Variants in CLCN4 observed in about 807,000 individuals in gnomAD.
The protein encoded by CLCN4 is H(+)/Cl(-) exchange transporter 4.
Under a neutral mutation model 41.7 loss-of-function variants are expected in CLCN4, and 1 was observed. The observed-to-expected ratio is 0.02, with a 90% CI of 0.01 to 0.11. The LOEUF is 0.11. Among genes scored for constraint, CLCN4 ranks in the 10% least tolerant of loss-of-function variants. The pLI is 1.00. For missense variants in CLCN4, 287 were observed against 661.0 expected (o/e 0.43, Z 6.20); for synonymous variants, 277 against 285.8 (o/e 0.97, Z 0.31).
In CLCN4 at chrX:10,208,176, G is replaced by A. The variant is rs73483205; in HGVS notation, c.975G>A (p.Thr325=). 33 of 1,209,313 alleles carry A rather than the reference G, an allele frequency of 2.7e-5. No homozygotes were observed. In the African/African-American group the frequency reaches 4.6e-4, roughly 17 times the overall value. The change falls in exon 9 of 13, where the codon ACG becomes ACA. Residue 325 remains threonine (T), a synonymous_variant. Transcript: ENST00000380833. ...TTCTCTTTTATGTGGAATACCACAC[G>A]CCCTGGTACATGGCTGAACTCTTCC... ...RLVLFYVEYH[T]PWYMAELFPF... is the part of the protein sequence containing the mutation.
At chrX:10,161,684 C>G (rs1178656262) in intron 2 of CLCN4, among the ~76,000 whole-genome samples, 1 of 111,048 alleles carries the variant, frequency 9.0e-6, no homozygotes, top group African/African-American at 3.3e-5. Context: ...ATGCAGTGAT[C>G]CCCACCCCTG....
At chrX:10,180,429 T>G (rs916505501) in intron 2 of CLCN4, among the ~76,000 whole-genome samples, 7 of 111,092 alleles carry the variant, frequency 6.3e-5, no homozygotes, top group Non-Finnish European at 1.3e-4. Flanking sequence ...CGGGTCTCTC[T>G]CTCTTAACAC....
chrX:10,191,256 T>C (rs1420457757), intron 4 of CLCN4, among the ~76,000 whole-genome samples: 1 of 112,561 alleles, frequency 8.9e-6, no homozygotes, highest in Non-Finnish European at 1.9e-5. Flanking sequence ...ATTTGCCTAT[T>C]CTGGGCATTT....
intron 6 of CLCN4, among the ~76,000 whole-genome samples, chrX:10,200,496 G>A (rs1406634254): frequency 8.9e-6 from 1 of 112,415 alleles, no homozygotes; most frequent in Non-Finnish European, 1.9e-5. Flanking sequence ...GCAGTAAGAG[G>A]CACACTGGGT....
At chrX:10,225,367 C>T (rs1209799409) in intron 12 of CLCN4, among the ~76,000 whole-genome samples, 1 of 112,413 alleles carries the variant, frequency 8.9e-6, no homozygotes, top group Non-Finnish European at 1.9e-5. Context: ...AGCTTTTTCT[C>T]ATATGTTTGT....
chrX:10,233,506 C>T lies in CLCN4; in HGVS notation c.2205C>T (p.Gly735=). ...GTTTCTTCTCCAGGAGACTTCTTGGCATCATCACAAAAAAGGATGTTCTGA... is the reference window on the plus strand; with the variant it reads ...GTTTCTTCTCCAGGAGACTTCTTGGTATCATCACAAAAAAGGATGTTCTGA... The part of the protein sequence containing the change: ...CLVTRSGRLL[G]IITKKDVLRH... The change falls in exon 13 of 13, where the codon GGC becomes GGT. Residue 735 remains glycine (G), a synonymous_variant. Transcript: ENST00000380833. The T allele has an allele frequency of 1.7e-6, 2 of 1,206,620 alleles. No homozygotes were observed. Among genetic ancestry groups the T allele is most frequent in the Non-Finnish European group, 2.2e-6 (2 of 890,919 alleles).
chrX:10,186,416 G>T (rs1471735815), intron 3 of CLCN4, among the ~76,000 whole-genome samples: 1 of 111,328 alleles, frequency 9.0e-6, no homozygotes, highest in African/African-American at 3.3e-5. Context: ...TGACAAGAGG[G>T]GACCCTGCCA....
At chrX:10,220,451 C>T (rs1924829046) in intron 11 of CLCN4, among the ~76,000 whole-genome samples, 1 of 111,732 alleles carries the variant, frequency 8.9e-6, no homozygotes, top group African/African-American at 3.3e-5. Flanking sequence ...ACAAATGATC[C>T]GGTCACAGCA....
intron 6 of CLCN4, 148 bp from the exon 7 acceptor site, chrX:10,206,210 A>G (rs760404550): frequency 2.2e-6 from 1 of 455,516 alleles, no homozygotes; most frequent in African/African-American, 2.4e-5. Context: ...ATATAAAATT[A>G]TAGTTAAATC....
chrX:10,233,707 G>A lies in CLCN4; in HGVS notation c.*123G>A. 1.9e-6 allele frequency: 1 copy of A among 539,507 alleles called. No individual in the cohort carries two copies. Among genetic ancestry groups the A allele is most frequent in the Non-Finnish European group, 3.0e-6 (1 of 330,369 alleles). 44.5% of individuals were successfully genotyped at this position (539,507 alleles called of 1,213,427 possible). ...GACAGCAGAAACAAAAGCTTTTTTG[G>A]AAAGGCGGGGAAGAAGGATGAAACC... On this transcript the variant is annotated 3_prime_UTR_variant, in exon 13 of 13. Transcript: ENST00000380833.
chrX:10,231,628 T>C (rs1925129108), intron 12 of CLCN4, among the ~76,000 whole-genome samples: 1 of 111,897 alleles, frequency 8.9e-6, no homozygotes, highest in African/African-American at 3.3e-5. Context: ...ACATTCTGGG[T>C]CTGATTACTT....
intron 12 of CLCN4, among the ~76,000 whole-genome samples, chrX:10,222,733 TC>T (rs1283027934): frequency 9.0e-6 from 1 of 111,579 alleles, no homozygotes; most frequent in East Asian, 2.8e-4. Context: ...AAATGAGCAA[TC>T]CTATTCATTC....
At chrX:10,232,248 C>G (rs1925144573) in intron 12 of CLCN4, among the ~76,000 whole-genome samples, 1 of 112,040 alleles carries the variant, frequency 8.9e-6, no homozygotes, top group Admixed American at 9.4e-5. Flanking sequence ...TCTGGCCTGA[C>G]AGTTTGAATA....
At chrX:10,222,735 C>T (rs1007752910) in intron 12 of CLCN4, among the ~76,000 whole-genome samples, 2 of 111,676 alleles carry the variant, frequency 1.8e-5, no homozygotes, top group Non-Finnish European at 3.8e-5. Context: ...ATGAGCAATC[C>T]TATTCATTCC....
Position 10,158,504 on chromosome X carries a change from G to C in CLCN4, c.-59G>C, listed in dbSNP as rs963618369. On this transcript the variant is annotated 5_prime_UTR_variant, in exon 2 of 13. Transcript: ENST00000380833. ...CCGTCGCGCTGAAGAAAGGATGCTC[G>C]AGGATGCTGTCCAGGTGGGCGGCCG... is the stretch of plus-strand genomic sequence containing the variant. 4 of 296,952 alleles carry C rather than the reference G, an allele frequency of 1.3e-5. No homozygotes were observed. The highest frequency in any genetic ancestry group is 1.2e-4 in the Admixed American group (2 of 16,532). The allele number at this position is 296,952 out of a possible 1,213,427, so 24.5% of individuals were successfully genotyped here.
At chrX:10,228,828 G>A (rs1925052967) in intron 12 of CLCN4, among the ~76,000 whole-genome samples, 1 of 111,697 alleles carries the variant, frequency 9.0e-6, no homozygotes, top group African/African-American at 3.3e-5. Flanking sequence ...ACCAACCGGT[G>A]TAGAACTATT....
chrX:10,226,245 AACC>A (rs60670949), intron 12 of CLCN4, among the ~76,000 whole-genome samples: 16,769 of 110,623 alleles, frequency 0.15, 1,095 homozygotes, highest in African/African-American at 0.25. Context: ...ACTCACTCAA[AACC>A]ACCACACAAC....
At chrX:10,157,649 T>G (rs1407389698) in intron 1 of CLCN4, among the ~76,000 whole-genome samples, 1 of 112,900 alleles carries the variant, frequency 8.9e-6, no homozygotes, top group African/African-American at 3.2e-5. Flanking sequence ...GCTGTTTCAG[T>G]TGTGAATGAG....
At position 10,218,219 on chromosome X, in the gene CLCN4, G is replaced by C. The variant is rs1453338384; in HGVS notation, c.1976-2442G>C. On this transcript the variant is annotated intron_variant, in intron 11 of 12. Coordinates refer to ENST00000380833, the MANE Select transcript of CLCN4 (RefSeq NM_001830.4). ...AAAGTAATACACACTCCAAATATTG[G>C]GGAAATCAGAAGAAAAAGGAAACAT... 2.7e-5 allele frequency among the ~76,000 whole-genome samples: 3 copies of C among 111,670 alleles called. No individual in the cohort carries two copies. In the Admixed American group the frequency reaches 2.8e-4, roughly 11 times the overall value.
Sources: gnomAD v4.1 joint callset for allele counts (sites outside exome capture counted in the v4.1 genomes callset) on GRCh38, gnomAD v4.1.1 for gene constraint, MANE v1.5 for transcripts, NCBI Gene and HGNC (gene_info 2026-07-23, HGNC 2026-07-21) for gene names.